The following ZNF569 variants were observed in gnomAD, a reference collection of about 807,000 sequenced individuals.
The protein encoded by ZNF569 is DNA-binding protein.
ZNF569 carries 38 observed loss-of-function variants against 56.3 expected under a neutral mutation model. The ratio of observed to expected loss-of-function variants is 0.68; its 90% confidence interval spans 0.52 to 0.88. The LOEUF (loss-of-function observed/expected upper bound fraction) is 0.88. Ranked by LOEUF, ZNF569 falls within the 40% of genes least tolerant of loss-of-function variation. The pLI is 0.00. For missense variants in ZNF569, 666 were observed against 809.2 expected, an observed-to-expected ratio of 0.82 and a Z score of 2.15; for synonymous variants, 241 against 262.9, an observed-to-expected ratio of 0.92 and a Z score of 0.81.
At chr19:37,468,112 C>G, upstream of ZNF569, 1 of 638,880 alleles carries the variant, frequency 1.6e-6, no homozygotes, top group Non-Finnish European at 2.7e-6. Flanking sequence ...TGAGGCAGAG[C>G]CTCACTTTGT....
intron 2 of ZNF569, among the ~76,000 whole-genome samples, chr19:37,456,983 A>G (rs1210323459): frequency 6.6e-6 from 1 of 151,814 alleles, no homozygotes; most frequent in African/African-American, 2.4e-5. Context: ...AAAAAAAACA[A>G]AAAACAAAAA....
chr19:37,412,272 G>T lies in ZNF569; in HGVS notation c.*325C>A, dbSNP rs1306212120. 4.4e-6 allele frequency: 1 copy of T among 225,014 alleles called. No homozygotes were observed. Among genetic ancestry groups the T allele is most frequent in the East Asian group, 9.2e-5 (1 of 10,818 alleles). 13.9% of individuals were successfully genotyped at this position (225,014 alleles called of 1,614,324 possible). A position where few individuals can be genotyped will look rare whatever the true frequency, so the allele number is the denominator to read the frequency against. On this transcript the variant is annotated 3_prime_UTR_variant, in exon 6 of 6. Coordinates refer to ENST00000316950, the MANE Select transcript of ZNF569 (RefSeq NM_152484.3). ...AAAGTTATTTTTATAGTTCTTCGTT[G>T]ATACTTGTTTTCCTTACTTAATACA...
chr19:37,417,501 G>A (rs1339143340), intron 5 of ZNF569, among the ~76,000 whole-genome samples: 1 of 150,996 alleles, frequency 6.6e-6, no homozygotes, highest in East Asian at 2.0e-4. Flanking sequence ...CACCCGCCTC[G>A]GCCTCTCAAA....
At chr19:37,467,972 C>G, upstream of ZNF569, 1 of 1,532,978 alleles carries the variant, frequency 6.5e-7, no homozygotes, top group East Asian at 2.4e-5. Context: ...GGATCGTGAG[C>G]GAAAAGTAGT....
At chr19:37,449,315 T>C (rs143096346) in intron 2 of ZNF569, among the ~76,000 whole-genome samples, 1 of 152,358 alleles carries the variant, frequency 6.6e-6, no homozygotes, top group East Asian at 1.9e-4. Flanking sequence ...GTTCTATAAA[T>C]GTCACTCACA....
intron 5 of ZNF569, among the ~76,000 whole-genome samples, chr19:37,423,923 A>C (rs1378974050): frequency 1.3e-5 from 2 of 152,184 alleles, no homozygotes; most frequent in African/African-American, 2.4e-5. Context: ...AAATTATTAC[A>C]GTCTCTTTGG....
At chr19:37,447,722 T>C (rs1194952739) in intron 2 of ZNF569, among the ~76,000 whole-genome samples, 1 of 152,236 alleles carries the variant, frequency 6.6e-6, no homozygotes, top group Non-Finnish European at 1.5e-5. Flanking sequence ...AACTGTAATG[T>C]AGCTCTAGGT....
intron 3 of ZNF569, among the ~76,000 whole-genome samples, chr19:37,432,830 G>A (rs529658963): frequency 6.7e-6 from 1 of 149,248 alleles, no homozygotes; most frequent in South Asian, 2.1e-4. Context: ...CAAAGAGACT[G>A]AAATAATTCA....
intron 5 of ZNF569, among the ~76,000 whole-genome samples, chr19:37,425,238 A>G (rs910837052): frequency 4.6e-5 from 7 of 151,338 alleles, no homozygotes; most frequent in Admixed American, 2.6e-4. Context: ...TGTAGCCTCA[A>G]CCTCCTAGGC....
chr19:37,418,545 G>A (rs1366920425), intron 5 of ZNF569, among the ~76,000 whole-genome samples: 5 of 152,068 alleles, frequency 3.3e-5, no homozygotes, highest in African/African-American at 9.7e-5. Context: ...AACCGAGAAC[G>A]CTAAAACCCA....
intron 3 of ZNF569, among the ~76,000 whole-genome samples, chr19:37,429,379 AAG>A (rs1259352554): frequency 6.6e-6 from 1 of 152,242 alleles, no homozygotes; most frequent in Non-Finnish European, 1.5e-5. Flanking sequence ...ATGAAGGAGA[AAG>A]AGTTTCGTTC....
rs559725703 is a variant in ZNF569 at position 37,441,051 on chromosome 19, CTA to C, written c.15+3854_15+3855del. ...TACTAGTTTTGAAGTACATTTTAAT[CTA>C]TGTTTCCTTATGCCTCATACATTTT... On this transcript the variant is annotated intron_variant, in intron 3 of 5. Coordinates refer to ENST00000316950, the MANE Select transcript of ZNF569 (RefSeq NM_152484.3). Among the ~76,000 whole-genome samples the C allele has an allele frequency of 2.2e-4, 34 of 152,268 alleles. No individual in the cohort carries two copies. In the East Asian group the frequency reaches 5.0e-3, roughly 22 times the overall value.
intron 3 of ZNF569, among the ~76,000 whole-genome samples, chr19:37,428,340 C>A (rs928916332): frequency 6.7e-6 from 1 of 150,358 alleles, no homozygotes; most frequent in African/African-American, 2.4e-5. Context: ...CTCATCTCTA[C>A]AATAAATGAA....
chr19:37,465,460 A>G lies in ZNF569; in HGVS notation c.-191T>C, dbSNP rs1396873970. ...GAGTCTATGAATGAATGAATCCTTA[A>G]TATATGAAGAACTCTGGAAAAGAAA... On this transcript the variant is annotated 5_prime_UTR_variant, in exon 2 of 6. Transcript: ENST00000316950. 1 of 152,242 alleles carries G rather than the reference A, an allele frequency of 6.6e-6. No homozygotes were observed. Among genetic ancestry groups the G allele is most frequent in the Admixed American group, 6.5e-5 (1 of 15,282 alleles). The allele number at this position is 152,242 out of a possible 1,614,324, so 9.4% of individuals were successfully genotyped here. A position where few individuals can be genotyped will look rare whatever the true frequency, so the allele number is the denominator to read the frequency against.
intron 3 of ZNF569, among the ~76,000 whole-genome samples, chr19:37,429,755 G>C (rs554017065): frequency 2.6e-5 from 4 of 152,292 alleles, no homozygotes; most frequent in African/African-American, 9.6e-5. Context: ...GGAAAGCTTT[G>C]GTCAGCAACT....
At chr19:37,418,341 A>T (rs189463892) in intron 5 of ZNF569, among the ~76,000 whole-genome samples, 6 of 152,224 alleles carry the variant, frequency 3.9e-5, no homozygotes, top group African/African-American at 1.2e-4. Context: ...AGAAATAGTA[A>T]GAAGTTGAGG....
chr19:37,463,192 T>A (rs1252075177), intron 2 of ZNF569, among the ~76,000 whole-genome samples: 1 of 152,208 alleles, frequency 6.6e-6, no homozygotes, highest in Non-Finnish European at 1.5e-5. Context: ...ACTACTCTGG[T>A]CCAGATCACC....
At chr19:37,460,552 C>T (rs1358532386) in intron 2 of ZNF569, among the ~76,000 whole-genome samples, 1 of 151,052 alleles carries the variant, frequency 6.6e-6, no homozygotes, top group East Asian at 1.9e-4. Flanking sequence ...AAAAAAACAA[C>T]TATATATGTC....
At chr19:37,467,530 G>C (rs1401308466), upstream of ZNF569, 1 of 300,012 alleles carries the variant, frequency 3.3e-6, no homozygotes, top group African/African-American at 2.2e-5. Flanking sequence ...CAGTCGGCTG[G>C]AGCTGCAGGT....
Sources: gnomAD v4.1 joint callset for allele counts (sites outside exome capture counted in the v4.1 genomes callset) on GRCh38, gnomAD v4.1.1 for gene constraint, MANE v1.5 for transcripts, NCBI Gene and HGNC (gene_info 2026-07-23, HGNC 2026-07-21) for gene names.